Variants in ITGA7 observed in about 807,000 individuals in gnomAD.
ITGA7 encodes integrin subunit alpha 7.
Under a neutral mutation model 131.6 loss-of-function variants are expected in ITGA7, and 84 were observed. The ratio of observed to expected loss-of-function variants is 0.64; its 90% confidence interval spans 0.54 to 0.77. The LOEUF (loss-of-function observed/expected upper bound fraction) is 0.77. Among genes scored for constraint, ITGA7 ranks in the 30% least tolerant of loss-of-function variants. The probability of loss-of-function intolerance (pLI) is 0.00; values close to 1 mark genes in which losing one functional copy is unlikely to be tolerated. For missense variants in ITGA7, 1,399 were observed against 1,482.9 expected (o/e 0.94, Z 0.93); for synonymous variants, 548 against 600.7 (o/e 0.91, Z 1.28).
Position 55,686,175 on chromosome 12 carries a change from A to G in ITGA7, c.3184-887T>C, listed in dbSNP as rs762633569. 3 of 1,240,558 alleles carry G rather than the reference A, an allele frequency of 2.4e-6. No individual in the cohort carries two copies. The South Asian group carries it at 3.6e-5, about 15-fold the overall frequency. 76.8% of individuals were successfully genotyped at this position (1,240,558 alleles called of 1,614,324 possible). ...ACACACATACATACCCACACACACT[A>G]GACACATGCACACACACAACAGTTA... On this transcript the variant is annotated intron_variant, in intron 24 of 24. Transcript: ENST00000257879.
At chr12:55,699,553 C>T (rs1873487280) in intron 5 of ITGA7, 1 of 431,460 alleles carries the variant, frequency 2.3e-6, no homozygotes, top group African/African-American at 2.0e-5. Flanking sequence ...CACCATCCAT[C>T]CCCTCAGGGA....
At chr12:55,700,197 G>C in intron 4 of ITGA7, 3 of 1,538,890 alleles carry the variant, frequency 1.9e-6, no homozygotes, top group Non-Finnish European at 2.6e-6. Flanking sequence ...TGGGAGCATG[G>C]AGAGAGAGGA....
intron 1 of ITGA7, among the ~76,000 whole-genome samples, chr12:55,705,219 G>C (rs1052794554): frequency 2.0e-5 from 3 of 152,048 alleles, no homozygotes; most frequent in Non-Finnish European, 4.4e-5. Flanking sequence ...GAGACCAATC[G>C]ATCCTTAGTG....
At chr12:55,693,342 G>C in intron 19 of ITGA7, 25 bp from the exon 20 acceptor site, 1 of 1,593,548 alleles carries the variant, frequency 6.3e-7, no homozygotes, top group Non-Finnish European at 8.6e-7. Flanking sequence ...GAGTATGAGG[G>C]GAGAGACCTC....
chr12:55,714,672 C>T (rs1366451549), upstream of ITGA7, among the ~76,000 whole-genome samples: 1 of 148,904 alleles, frequency 6.7e-6, no homozygotes, highest in Non-Finnish European at 1.5e-5. Context: ...GGCGACAGAG[C>T]GAGACTCTGT....
chr12:55,696,179 A>T, intron 13 of ITGA7, 104 bp downstream of exon 13: 1 of 1,239,164 alleles, frequency 8.1e-7, no homozygotes, highest in Non-Finnish European at 1.1e-6. Context: ...GGAGTAGCAT[A>T]CGTGAAAGGG....
Position 55,694,792 on chromosome 12 carries a change from C to T in ITGA7, c.2182G>A (p.Ala728Thr). Residue 728 changes from alanine (A) to threonine (T), a missense_variant, in exon 15 of 25, where the codon GCC (alanine) becomes ACC (threonine). Transcript: ENST00000257879. The surrounding 1 kb of genome is among the most constrained non-coding windows in gnomAD (Gnocchi z 5.3). Reference sequence around the variant, plus strand: ...CAGGTCCTCACCGCAGGGTCCAGGGCCCGGACCCCTGAGTAGTGCAGTGAG... The same window carrying T: ...CAGGTCCTCACCGCAGGGTCCAGGGTCCGGACCCCTGAGTAGTGCAGTGAG... The part of the protein sequence containing the change: ...PDSLHYSGVR[A>T]LDPAEKPLCL... 6.2e-7 allele frequency: 1 copy of T among 1,613,952 alleles called. No homozygotes were observed.
At chr12:55,699,001 C>T (rs1873338741) in intron 5 of ITGA7, 84 bp from the exon 6 acceptor site, 3 of 1,310,510 alleles carry the variant, frequency 2.3e-6, no homozygotes, top group African/African-American at 2.9e-5. Flanking sequence ...GCCCCTGCCC[C>T]CTCCCTACAG....
chr12:55,696,559 T>C, intron 12 of ITGA7, 127 bp from the exon 13 acceptor site: 8 of 1,025,384 alleles, frequency 7.8e-6, no homozygotes, highest in Admixed American at 2.0e-5. Flanking sequence ...ATGAGAGAGG[T>C]GGAGAACTGA....
upstream of ITGA7, chr12:55,711,940 A>G: frequency 2.5e-6 from 2 of 785,576 alleles, no homozygotes; most frequent in Admixed American, 2.1e-5. Context: ...CTTCCAGAAC[A>G]CACACTTCAG....
rs1872109040 is a variant in ITGA7 at position 55,694,228 on chromosome 12, T to C, written c.2432+28A>G. 2.5e-6 allele frequency: 4 copies of C among 1,613,112 alleles called. No individual in the cohort carries two copies. The highest frequency in any genetic ancestry group is 2.2e-5 in the South Asian group (2 of 91,078). Reference sequence around the variant, plus strand: ...AAATGTCAATGCCCCCTCCCTCCAATGGAGGTGCCCCCTTGGGCCAGGCTC... The same window carrying C: ...AAATGTCAATGCCCCCTCCCTCCAACGGAGGTGCCCCCTTGGGCCAGGCTC... On this transcript the variant is annotated intron_variant, in intron 18 of 24. Transcript: ENST00000257879. The surrounding 1 kb of genome is among the most constrained non-coding windows in gnomAD (Gnocchi z 5.3).
chr12:55,693,025 G>A (rs761331972), intron 20 of ITGA7, 50 bp from the exon 21 acceptor site: 1 of 1,613,508 alleles, frequency 6.2e-7, no homozygotes, highest in South Asian at 1.1e-5. Flanking sequence ...TCACAGCAGT[G>A]CTAAGATCGA....
rs138357077 is a variant in ITGA7, at chr12:55,695,255, C to G, written c.2003+267G>C. 1.0e-3 allele frequency: 609 copies of G among 597,334 alleles called. 2 individuals are homozygous for G. Among genetic ancestry groups the G allele is most frequent in the African/African-American group, 0.01 (548 of 53,926 alleles). The allele number at this position is 597,334 out of a possible 1,614,324, so 37.0% of individuals were successfully genotyped here. Reference sequence around the variant, plus strand: ...TGAGACTAATATAATTCCTACCTCACAGAGGTTTGAAGACTAACCAATGAG... The same window carrying G: ...TGAGACTAATATAATTCCTACCTCAGAGAGGTTTGAAGACTAACCAATGAG... On this transcript the variant is annotated intron_variant, in intron 14 of 24. Coordinates refer to ENST00000257879, the MANE Select transcript of ITGA7 (RefSeq NM_002206.3).
intron 4 of ITGA7, 30 bp from the exon 5 acceptor site, chr12:55,700,019 G>T: frequency 6.2e-7 from 1 of 1,613,258 alleles, no homozygotes; most frequent in South Asian, 1.1e-5. Flanking sequence ...ACACCAGGGA[G>T]GGGACATCCA....
Position 55,695,510 on chromosome 12 carries a change from T to C in ITGA7, c.2003+12A>G. On this transcript the variant is annotated intron_variant, in intron 14 of 24. Transcript: ENST00000257879. ...GCCCTCCCACCCCCACCCTGCTCTC[T>C]GCCCCCCTCACATGGGCAGAGGTTG... 2 of 1,118,166 alleles carry C rather than the reference T, an allele frequency of 1.8e-6. No homozygotes were observed. The highest frequency in any genetic ancestry group is 1.6e-5 in the African/African-American group (1 of 63,000). The allele number at this position is 1,118,166 out of a possible 1,614,324, so 69.3% of individuals were successfully genotyped here. A position where few individuals can be genotyped will look rare whatever the true frequency, so the allele number is the denominator to read the frequency against.
chr12:55,715,878 T>G (rs1047832743), upstream of ITGA7: 1 of 784,514 alleles, frequency 1.3e-6, no homozygotes, highest in Non-Finnish European at 1.9e-6. Flanking sequence ...AAAACTGGCT[T>G]GGCAATATAA....
Position 55,698,754 on chromosome 12 carries a change from G to A in ITGA7, c.954C>T (p.Ser318=), listed in dbSNP as rs146864775. 104 of 1,614,034 alleles carry A rather than the reference G, an allele frequency of 6.4e-5. No homozygotes were observed. Among genetic ancestry groups the A allele is most frequent in the Middle Eastern group, 1.6e-4 (1 of 6,084 alleles). Residue 318 remains serine (S), a synonymous_variant, in exon 6 of 25, where the codon TCC becomes TCT. Coordinates refer to ENST00000257879, the MANE Select transcript of ITGA7 (RefSeq NM_002206.3). ...CCACAGCCAGTGAGTAGCCAAAGCC[G>A]GAGGTCAGGCGCTCCCCAGACAGCA... is the stretch of plus-strand genomic sequence containing the variant. The part of the protein sequence containing the change: ...EVMLSGERLT[S]GFGYSLAVAD...
intron 12 of ITGA7, 37 bp from the exon 13 acceptor site, chr12:55,696,469 C>A: frequency 1.3e-6 from 2 of 1,576,524 alleles, no homozygotes. Context: ...CTGGAACAAT[C>A]CCCAGGCCTC....
upstream of ITGA7, chr12:55,712,409 G>T: frequency 1.5e-6 from 1 of 679,408 alleles, no homozygotes; most frequent in South Asian, 1.7e-5. Context: ...CTCACTCTGT[G>T]TCCTCCCTCA....
Sources: gnomAD v4.1 joint callset for allele counts (sites outside exome capture counted in the v4.1 genomes callset) on GRCh38, gnomAD v4.1.1 for gene constraint, Gnocchi (gnomAD v3.1) non-coding constraint, MANE v1.5 for transcripts, NCBI Gene and HGNC (gene_info 2026-07-23, HGNC 2026-07-21) for gene names.